Variants in GALNT17 observed in about 807,000 individuals in gnomAD.
GALNT17 encodes polypeptide N-acetylgalactosaminyltransferase 17, also known as UDP-GalNAc:polypeptide N-acetylgalactosaminyltransferase-like 3.
GALNT17 carries 29 observed loss-of-function variants against 63.7 expected under a neutral mutation model. The ratio of observed to expected loss-of-function variants is 0.46; its 90% CI spans 0.34 to 0.62. The LOEUF (loss-of-function observed/expected upper bound fraction) is 0.62, where lower values mean the gene tolerates loss of function less well. Ranked by LOEUF, GALNT17 falls within the 20% of genes least tolerant of loss-of-function variation. GALNT17 has a pLI of 0.01. For synonymous variants in GALNT17, 305 were observed against 318.3 expected, an observed-to-expected ratio of 0.96 and a Z score of 0.45; for missense variants, 603 against 799.6, an observed-to-expected ratio of 0.75 and a Z score of 2.97.
At chr7:71,378,073 G>A (rs998982249) in intron 2 of GALNT17, among the ~76,000 whole-genome samples, 1 of 152,134 alleles carries the variant, frequency 6.6e-6, no homozygotes, top group African/African-American at 2.4e-5. Context: ...ATGCTTTAAA[G>A]CAGGCTAAAT....
chr7:71,665,972 C>T (rs1476043105), intron 7 of GALNT17, among the ~76,000 whole-genome samples: 3 of 152,116 alleles, frequency 2.0e-5, no homozygotes, highest in African/African-American at 4.8e-5. Context: ...CCAGCTGCCC[C>T]GTATCATATG....
chr7:71,291,999 ATAAT>A (rs1311884491), intron 1 of GALNT17, among the ~76,000 whole-genome samples: 1 of 152,220 alleles, frequency 6.6e-6, no homozygotes, highest in African/African-American at 2.4e-5. Context: ...AATAATAAAA[ATAAT>A]TAGGGCTGTT....
At chr7:71,450,383 C>T (rs182488538) in intron 5 of GALNT17, among the ~76,000 whole-genome samples, 185 of 152,154 alleles carry the variant, frequency 1.2e-3, no homozygotes, top group Admixed American at 2.5e-3. Flanking sequence ...CCACCTGTGT[C>T]GGCCTCCCAA....
chr7:71,197,163 A>G (rs1013015816), intron 1 of GALNT17, among the ~76,000 whole-genome samples: 1 of 147,502 alleles, frequency 6.8e-6, no homozygotes, highest in African/African-American at 2.5e-5. Context: ...TGCAACAATT[A>G]CATTATTGAT....
chr7:71,556,714 C>T (rs1789169982), intron 5 of GALNT17, among the ~76,000 whole-genome samples: 1 of 151,958 alleles, frequency 6.6e-6, no homozygotes, highest in Non-Finnish European at 1.5e-5. Context: ...CTCGAGCCAC[C>T]ACACCCAGCT....
intron 5 of GALNT17, among the ~76,000 whole-genome samples, chr7:71,439,943 CTT>C (rs370145707): frequency 2.8e-4 from 34 of 123,382 alleles, no homozygotes; most frequent in South Asian, 2.5e-3. Context: ...TCCAGGCCCT[CTT>C]TTTTTTTTTT....
chr7:71,313,170 C>T (rs1950148), intron 1 of GALNT17, among the ~76,000 whole-genome samples: 41,025 of 152,044 alleles, frequency 0.27, 6,176 homozygotes, highest in East Asian at 0.49. Flanking sequence ...TATTTTTCCA[C>T]TTGTTGAACT....
chr7:71,497,843 A>C (rs532407125), intron 5 of GALNT17, among the ~76,000 whole-genome samples: 1 of 152,348 alleles, frequency 6.6e-6, no homozygotes, highest in South Asian at 2.1e-4. Flanking sequence ...AGCACTGGGA[A>C]CCCAGGTGCT....
At chr7:71,149,923 G>A (rs1788099601) in intron 1 of GALNT17, among the ~76,000 whole-genome samples, 2 of 152,150 alleles carry the variant, frequency 1.3e-5, no homozygotes, top group South Asian at 4.1e-4. Context: ...TTGAATGGAT[G>A]CTAAGCCTTG....
chr7:71,354,403 A>G (rs993154479), intron 2 of GALNT17, among the ~76,000 whole-genome samples: 2 of 152,152 alleles, frequency 1.3e-5, no homozygotes, highest in East Asian at 3.9e-4. Context: ...ATTAGTTTTA[A>G]TGATCTTGAG....
intron 6 of GALNT17, among the ~76,000 whole-genome samples, chr7:71,663,256 G>A (rs919695805): frequency 6.6e-6 from 1 of 152,146 alleles, no homozygotes; most frequent in Admixed American, 6.5e-5. Flanking sequence ...TATAGGGATT[G>A]TGTTGAATTT....
chr7:71,235,701 G>A (rs1789875629), intron 1 of GALNT17, among the ~76,000 whole-genome samples: 3 of 152,178 alleles, frequency 2.0e-5, no homozygotes, highest in Non-Finnish European at 4.4e-5. Flanking sequence ...TGCACCAAAC[G>A]AAAGCAAACT....
At chr7:71,240,902 G>C (rs1789984579) in intron 1 of GALNT17, among the ~76,000 whole-genome samples, 1 of 152,080 alleles carries the variant, frequency 6.6e-6, no homozygotes, top group Non-Finnish European at 1.5e-5. Flanking sequence ...CTGACCTCGT[G>C]ATCCGCCTGC....
At chr7:71,699,671 T>C (rs932724087) in intron 9 of GALNT17, among the ~76,000 whole-genome samples, 3 of 151,886 alleles carry the variant, frequency 2.0e-5, no homozygotes, top group Non-Finnish European at 4.4e-5. Flanking sequence ...CAGTGGCTCA[T>C]GCCTGTAATC....
At chr7:71,449,452 T>C (rs1162093304) in intron 5 of GALNT17, among the ~76,000 whole-genome samples, 3 of 152,190 alleles carry the variant, frequency 2.0e-5, no homozygotes, top group Non-Finnish European at 4.4e-5. Context: ...TGCCTCTTTA[T>C]TTCCTATCAT....
chr7:71,472,787 C>A (rs1787656978), intron 5 of GALNT17, among the ~76,000 whole-genome samples: 1 of 152,088 alleles, frequency 6.6e-6, no homozygotes, highest in Admixed American at 6.6e-5. Flanking sequence ...ACCCTCAGTC[C>A]AAATAATCCT....
chr7:71,483,325 C>A (rs762595118), intron 5 of GALNT17, among the ~76,000 whole-genome samples: 21 of 151,944 alleles, frequency 1.4e-4, no homozygotes, highest in Non-Finnish European at 1.9e-4. Context: ...AAAAAATCAG[C>A]CTGGCGTGGT....
chr7:71,536,484 T>C (rs1214534084), intron 5 of GALNT17, among the ~76,000 whole-genome samples: 2 of 152,280 alleles, frequency 1.3e-5, no homozygotes, highest in African/African-American at 2.4e-5. Context: ...TCCATATTGG[T>C]TGGGGAGGCC....
chr7:71,644,762 A>C (rs773511482), intron 6 of GALNT17, among the ~76,000 whole-genome samples: 3 of 151,888 alleles, frequency 2.0e-5, no homozygotes, highest in Admixed American at 6.6e-5. Context: ...TCTAAATAAT[A>C]ATAATAATAA....
Sources: allele counts gnomAD v4.1 joint callset (sites outside exome capture counted in the v4.1 genomes callset), GRCh38; gene constraint gnomAD v4.1.1; transcripts MANE v1.5; gene names NCBI Gene and HGNC (gene_info 2026-07-23, HGNC 2026-07-21).